Variants in ADGRV1 observed in about 807,000 individuals in gnomAD.
ADGRV1 encodes the protein G-protein coupled receptor 98.
Under a neutral mutation model 596.2 loss-of-function variants are expected in ADGRV1, and 359 were observed. The ratio of observed to expected loss-of-function variants is 0.60; its 90% CI spans 0.55 to 0.66. The LOEUF is 0.66. Among genes scored for constraint, ADGRV1 ranks in the 30% least tolerant of loss-of-function variants. The pLI, the probability that ADGRV1 is intolerant of heterozygous loss-of-function variation, is 0.00. For synonymous variants in ADGRV1, 2,681 were observed against 2,679.2 expected (o/e 1.00, Z -0.02); for missense variants, 7,274 against 7,575.6 (o/e 0.96, Z 1.48).
At chr5:90,802,065 A>G (rs1435881059) in intron 70 of ADGRV1, among the ~76,000 whole-genome samples, 1 of 152,198 alleles carries the variant, frequency 6.6e-6, no homozygotes, top group Non-Finnish European at 1.5e-5. Context: ...AGTTTATAGG[A>G]GCTGACACTT....
At chr5:90,945,492 T>C (rs1776495448) in intron 83 of ADGRV1, among the ~76,000 whole-genome samples, 1 of 152,108 alleles carries the variant, frequency 6.6e-6, no homozygotes, top group African/African-American at 2.4e-5. Flanking sequence ...TAGGAGGGCA[T>C]TGGCCAATCC....
chr5:90,880,774 A>G (rs1197560261), intron 83 of ADGRV1, among the ~76,000 whole-genome samples: 5 of 152,204 alleles, frequency 3.3e-5, no homozygotes, highest in African/African-American at 7.2e-5. Flanking sequence ...CCATTCCAAT[A>G]TGTCAGCTTT....
chr5:91,034,500 G>A (rs2151242236), intron 85 of ADGRV1, among the ~76,000 whole-genome samples: 1 of 152,306 alleles, frequency 6.6e-6, no homozygotes, highest in African/African-American at 2.4e-5. Context: ...TCCTCCTAAA[G>A]TCATCCTTCC....
intron 86 of ADGRV1, among the ~76,000 whole-genome samples, chr5:91,091,962 T>C (rs1790423970): frequency 1.3e-5 from 2 of 152,110 alleles, no homozygotes; most frequent in African/African-American, 4.8e-5. Flanking sequence ...TCTAATCAGA[T>C]ATCTGGGCTT....
chr5:90,586,961 A>G (rs554626884), intron 1 of ADGRV1, among the ~76,000 whole-genome samples: 2 of 152,302 alleles, frequency 1.3e-5, no homozygotes, highest in Non-Finnish European at 2.9e-5. Context: ...GTTACCTGGA[A>G]AAGGAGTTTA....
chr5:90,993,181 C>A (rs571047524), intron 85 of ADGRV1, among the ~76,000 whole-genome samples: 5 of 104,456 alleles, frequency 4.8e-5, no homozygotes, highest in Non-Finnish European at 9.0e-5. Flanking sequence ...TTTTTTTTGA[C>A]GGAGGCTTGC....
intron 83 of ADGRV1, among the ~76,000 whole-genome samples, chr5:90,936,266 A>G (rs1775676434): frequency 6.6e-6 from 1 of 152,064 alleles, no homozygotes; most frequent in African/African-American, 2.4e-5. Context: ...GTATATTTCT[A>G]ACATTAATTA....
intron 78 of ADGRV1, 113 bp from the exon 79 acceptor site, chr5:90,848,524 C>G: frequency 2.2e-6 from 1 of 456,914 alleles, no homozygotes; most frequent in East Asian, 3.8e-5. Flanking sequence ...ATAGGTTTAT[C>G]CTTACTAATG....
Position 90,972,577 on chromosome 5 carries a change from C to T in ADGRV1, c.17973+7046C>T, listed in dbSNP as rs900125985. On this transcript the variant is annotated intron_variant, in intron 84 of 89. Transcript: ENST00000405460. ...TCAAAAGCGCTCAACTACATGGAAA[C>T]TGAACAACCTGCTCCTGAATGACTA... is the stretch of plus-strand genomic sequence containing the variant. Among the ~76,000 whole-genome samples, 3 of 152,162 alleles carry T rather than the reference C, an allele frequency of 2.0e-5. 1 individual carries two copies. Among genetic ancestry groups the T allele is most frequent in the African/African-American group, 2.4e-5 (1 of 41,430 alleles).
chr5:90,956,646 C>G (rs1415154569), intron 83 of ADGRV1, among the ~76,000 whole-genome samples: 1 of 152,186 alleles, frequency 6.6e-6, no homozygotes, highest in Non-Finnish European at 1.5e-5. Flanking sequence ...AGCCTTTGCA[C>G]TCGTTGTTCT....
intron 87 of ADGRV1, among the ~76,000 whole-genome samples, chr5:91,107,151 C>T (rs1368489704): frequency 6.6e-6 from 1 of 152,014 alleles, no homozygotes; most frequent in Non-Finnish European, 1.5e-5. Context: ...TAATAAGTTT[C>T]CAGGTGGTAC....
chr5:90,971,069 C>T (rs180889510), intron 84 of ADGRV1, among the ~76,000 whole-genome samples: 253 of 151,822 alleles, frequency 1.7e-3, no homozygotes, highest in African/African-American at 5.8e-3. Flanking sequence ...CACAAGCCTC[C>T]GTAGCCGATT....
chr5:91,061,451 A>G (rs1787422577), intron 85 of ADGRV1, among the ~76,000 whole-genome samples: 1 of 152,208 alleles, frequency 6.6e-6, no homozygotes, highest in South Asian at 2.1e-4. Context: ...ATGTAAATAT[A>G]TTTAACTCCT....
chr5:90,565,674 A>C (rs886080710), intron 1 of ADGRV1, among the ~76,000 whole-genome samples: 1 of 152,156 alleles, frequency 6.6e-6, no homozygotes, highest in African/African-American at 2.4e-5. Context: ...TTGTGCTGAC[A>C]TAAGTTTTTT....
intron 85 of ADGRV1, among the ~76,000 whole-genome samples, chr5:91,052,840 T>C (rs1270316584): frequency 1.3e-5 from 2 of 152,150 alleles, no homozygotes; most frequent in African/African-American, 4.8e-5. Context: ...CAAATTTAGA[T>C]TAAAAAAGTC....
At chr5:90,869,826 G>T (rs1340181411) in intron 83 of ADGRV1, among the ~76,000 whole-genome samples, 1 of 152,112 alleles carries the variant, frequency 6.6e-6, no homozygotes, top group Non-Finnish European at 1.5e-5. Flanking sequence ...GACATAAAGA[G>T]TTTAATTACT....
At chr5:90,804,022 G>A (rs1198719311) in intron 71 of ADGRV1, among the ~76,000 whole-genome samples, 1 of 152,210 alleles carries the variant, frequency 6.6e-6, no homozygotes, top group Non-Finnish European at 1.5e-5. Flanking sequence ...GTGTGTGTAT[G>A]TGTGATGTGG....
At chr5:90,900,329 C>G (rs1412222331) in intron 83 of ADGRV1, among the ~76,000 whole-genome samples, 4 of 127,456 alleles carry the variant, frequency 3.1e-5, no homozygotes, top group Non-Finnish European at 6.9e-5. Context: ...CATTGCCATT[C>G]TTTTTTTTTT....
At chr5:91,095,798 T>C (rs1332325919) in intron 86 of ADGRV1, among the ~76,000 whole-genome samples, 2 of 152,190 alleles carry the variant, frequency 1.3e-5, no homozygotes, top group Non-Finnish European at 2.9e-5. Flanking sequence ...TAAATTTTTT[T>C]TTTGAAATAG....
Sources: gnomAD v4.1 joint callset for allele counts (sites outside exome capture counted in the v4.1 genomes callset) on GRCh38, gnomAD v4.1.1 for gene constraint, MANE v1.5 for transcripts, NCBI Gene and HGNC (gene_info 2026-07-23, HGNC 2026-07-21) for gene names.